The following AQR variants were observed in gnomAD, a reference collection of about 807,000 sequenced individuals.
The protein encoded by AQR is aquarius intron-binding spliceosomal factor, also known as RNA helicase aquarius.
Under a neutral mutation model 180.5 loss-of-function variants are expected in AQR, and 61 were observed. The observed-to-expected ratio is 0.34, with a 90% confidence interval of 0.28 to 0.42. The LOEUF (loss-of-function observed/expected upper bound fraction) is 0.42. Ranked by LOEUF, AQR falls within the 10% of genes least tolerant of loss-of-function variation. The pLI, the probability that AQR is intolerant of heterozygous loss-of-function variation, is 1.00. For synonymous variants in AQR, 551 were observed against 588.8 expected, an observed-to-expected ratio of 0.94 and a Z score of 0.93; for missense variants, 1,281 against 1,798.3, an observed-to-expected ratio of 0.71 and a Z score of 5.20.
At chr15:34,890,794 T>C (rs573547717) in intron 23 of AQR, among the ~76,000 whole-genome samples, 1 of 152,202 alleles carries the variant, frequency 6.6e-6, no homozygotes, top group Non-Finnish European at 1.5e-5. Context: ...AGTCTGAAAG[T>C]CTAATGTTCT....
intron 15 of AQR, among the ~76,000 whole-genome samples, chr15:34,917,604 T>C (rs1160343131): frequency 6.6e-6 from 1 of 152,098 alleles, no homozygotes; most frequent in African/African-American, 2.4e-5. Context: ...AAGAAAAGCC[T>C]TTGAAAAACA....
At chr15:34,914,771 C>T (rs538791943) in intron 16 of AQR, among the ~76,000 whole-genome samples, 1 of 152,294 alleles carries the variant, frequency 6.6e-6, no homozygotes, top group South Asian at 2.1e-4. Context: ...ACATTTCCCC[C>T]TTCCCTTCTT....
At chr15:34,886,688 C>G in intron 24 of AQR, 27 bp from the exon 25 acceptor site, 1 of 1,583,466 alleles carries the variant, frequency 6.3e-7, no homozygotes, top group Non-Finnish European at 8.5e-7. Flanking sequence ...GGCAAAATGA[C>G]AAAACTGTAA....
chr15:34,906,672 A>G lies in AQR; in HGVS notation c.1704T>C (p.Arg568=), dbSNP rs1893424225. 6.2e-7 allele frequency: 1 copy of G among 1,613,858 alleles called. No individual in the cohort carries two copies. Among genetic ancestry groups the G allele is most frequent in the Non-Finnish European group, 8.5e-7 (1 of 1,179,942 alleles). Residue 568 remains arginine (R), a synonymous_variant, in exon 18 of 35, where the codon CGT becomes CGC. Coordinates refer to ENST00000156471, the MANE Select transcript of AQR (RefSeq NM_014691.3). ...ACTTAGTGCCATAAGGTTTTGTGGG[A>G]CGTACGGTAATTAAAAAGCATACAT... The part of the protein sequence containing the change: ...KHDVCFLITV[R]PTKPYGTKFD...
At chr15:34,952,958 G>A (rs1447631784) in intron 3 of AQR, 38 bp from the exon 4 acceptor site, 3 of 1,190,658 alleles carry the variant, frequency 2.5e-6, no homozygotes, top group Non-Finnish European at 3.6e-6. Context: ...TTAAAATAGA[G>A]AATACAAACG....
In AQR at chr15:34,900,757, G is replaced by A. The variant is rs776265279; in HGVS notation, c.2108C>T (p.Ser703Leu). 4 of 1,614,000 alleles carry A rather than the reference G, an allele frequency of 2.5e-6. No homozygotes were observed. The highest frequency in any genetic ancestry group is 1.3e-5 in the African/African-American group (1 of 74,916). ...GYGDPSSAHY[S>L]KMPNQIATLD... ...GGTGGCAATCTGATTGGGCATTTTC[G>A]AATAATGTGCACTACTTGGGTCCCC... Residue 703 changes from serine (S) to leucine (L), a missense_variant, in exon 20 of 35, where the codon TCG becomes TTG. By Grantham distance (145) the Ser-to-Leu change is moderately radical. This residue lies in a region of AQR where 28 missense variants were observed against 75.3 expected (regional missense o/e 0.37). Transcript: ENST00000156471.
chr15:34,887,191 A>ATTGAT lies in AQR; in HGVS notation c.2682-531_2682-530insATCAA, dbSNP rs1463301313. 7.1e-4 allele frequency among the ~76,000 whole-genome samples: 108 copies of ATTGAT among 152,238 alleles called. 1 individual carries two copies. The highest frequency in any genetic ancestry group is 2.5e-3 in the African/African-American group (105 of 41,566). On this transcript the variant is annotated intron_variant, in intron 24 of 34. Transcript: ENST00000156471. ...AACAGTATTGATCTGCAAGGGTGTT[A>ATTGAT]CTGGTCTAGGAGGAGGGAAAGTCAA...
chr15:34,914,927 G>T, intron 16 of AQR, 111 bp downstream of exon 16: 2 of 1,132,940 alleles, frequency 1.8e-6, no homozygotes, highest in Non-Finnish European at 2.4e-6. Flanking sequence ...CTATTTTAGA[G>T]GGCACTTTTG....
chr15:34,907,475 T>C (rs572878755), intron 17 of AQR, among the ~76,000 whole-genome samples: 2 of 152,366 alleles, frequency 1.3e-5, no homozygotes, highest in East Asian at 3.9e-4. Flanking sequence ...TTGTTAGCCA[T>C]TACATGACAT....
intron 24 of AQR, among the ~76,000 whole-genome samples, chr15:34,887,384 C>T (rs1366017282): frequency 6.6e-6 from 1 of 152,200 alleles, no homozygotes; most frequent in Non-Finnish European, 1.5e-5. Context: ...CACTGTTTTA[C>T]ACTACATAAA....
chr15:34,906,707 G>A lies in AQR; in HGVS notation c.1669C>T (p.Arg557Cys). 4 of 1,612,650 alleles carry A rather than the reference G, an allele frequency of 2.5e-6. 1 individual carries two copies. The highest frequency in any genetic ancestry group is 2.2e-5 in the South Asian group (2 of 90,914). Residue 557 changes from arginine to cysteine, a missense_variant, in exon 18 of 35, where the codon CGT becomes TGT. Physicochemically the swap from Arg to Cys is radical, Grantham distance 180 (BLOSUM62 -3). This residue lies in a region of AQR where 200 missense variants were observed against 293.4 expected (regional missense o/e 0.68). Transcript: ENST00000156471. ...ATTAAAAAGCATACATCATGCTTAC[G>A]AAGACCTGGTAAGATATAAAGACAT... ...DHIKDEWEGL[R>C]KHDVCFLITV...
chr15:34,957,642 G>C (rs866695399), intron 3 of AQR, among the ~76,000 whole-genome samples: 1 of 149,660 alleles, frequency 6.7e-6, no homozygotes, highest in African/African-American at 2.5e-5. Flanking sequence ...TGGAGGTTGC[G>C]GTGAGCCGAG....
At chr15:34,918,212 T>G in intron 15 of AQR, 46 bp downstream of exon 15, 1 of 1,593,422 alleles carries the variant, frequency 6.3e-7, no homozygotes, top group Non-Finnish European at 8.5e-7. Context: ...ATGATAAATC[T>G]GAAATTGTTT....
chr15:34,950,649 T>G (rs999277673), intron 4 of AQR, among the ~76,000 whole-genome samples: 1 of 152,168 alleles, frequency 6.6e-6, no homozygotes, highest in African/African-American at 2.4e-5. Context: ...CTTGACAGTG[T>G]GTATCAATTA....
intron 5 of AQR, chr15:34,948,028 GA>G (rs1210664065): frequency 1.0e-5 from 4 of 398,400 alleles, no homozygotes; most frequent in African/African-American, 8.2e-5. Flanking sequence ...ACACAAAGCA[GA>G]AAAATAACTC....
chr15:34,969,187 G>A (rs2050330092), intron 1 of AQR, among the ~76,000 whole-genome samples: 2 of 152,130 alleles, frequency 1.3e-5, no homozygotes, highest in Admixed American at 1.3e-4. Flanking sequence ...ACTCTGCTGC[G>A]AAGCCTACTT....
intron 32 of AQR, 37 bp from the exon 33 acceptor site, chr15:34,863,078 G>C: frequency 6.5e-7 from 1 of 1,544,820 alleles, no homozygotes; most frequent in Non-Finnish European, 8.8e-7. Flanking sequence ...CACACTTCAA[G>C]ATTATTAACA....
chr15:34,950,084 C>CTTTTTTTTTTT (rs1174370425), intron 4 of AQR, among the ~76,000 whole-genome samples: 18 of 74,086 alleles, frequency 2.4e-4, no homozygotes, highest in Non-Finnish European at 3.0e-4. Flanking sequence ...TGCTATTTTC[C>CTTTTTTTTTTT]TTTTTTTTTT....
chr15:34,890,959 A>G (rs1193707521), intron 23 of AQR, among the ~76,000 whole-genome samples: 1 of 152,204 alleles, frequency 6.6e-6, no homozygotes, highest in Non-Finnish European at 1.5e-5. Flanking sequence ...AAGGTTTTAC[A>G]GAAAGGCAAA....
Sources: allele counts gnomAD v4.1 joint callset (sites outside exome capture counted in the v4.1 genomes callset), GRCh38; gene constraint gnomAD v4.1.1; regional missense constraint gnomAD v4.1.1; transcripts MANE v1.5; gene names NCBI Gene and HGNC (gene_info 2026-07-23, HGNC 2026-07-21).